AVL9: variants seen among roughly 807,000 people sequenced by gnomAD.
AVL9 encodes the protein AVL9 cell migration associated, also known as late secretory pathway protein AVL9 homolog.
A neutral mutation model predicts 79.2 loss-of-function variants in AVL9; 49 were observed. The ratio of observed to expected loss-of-function variants is 0.62; its 90% CI spans 0.49 to 0.79. The LOEUF (loss-of-function observed/expected upper bound fraction) is 0.79. Ranked by LOEUF, AVL9 falls within the 30% of genes least tolerant of loss-of-function variation. The pLI, the probability that AVL9 is intolerant of heterozygous loss-of-function variation, is 0.00. For synonymous variants in AVL9, 299 were observed against 280.6 expected, an observed-to-expected ratio of 1.07 and a Z score of -0.65; for missense variants, 682 against 776.8, an observed-to-expected ratio of 0.88 and a Z score of 1.45.
In AVL9 at chr7:32,559,179, T is replaced by C. The variant is rs1790221887; in HGVS notation, c.930T>C (p.Asn310=). Reference sequence around the variant, plus strand: ...ACAGCAGCAAAGGGCAGGAACCCAATGATACCAATCAATATTTGAAACCTC... The same window carrying C: ...ACAGCAGCAAAGGGCAGGAACCCAACGATACCAATCAATATTTGAAACCTC... ...VEDSSKGQEP[N]DTNQYLKPPS... is the part of the protein sequence containing the mutation. The change falls in exon 10 of 16, where the codon AAT becomes AAC. Residue 310 remains asparagine, a synonymous_variant. Coordinates refer to ENST00000318709, the MANE Select transcript of AVL9 (RefSeq NM_015060.3). The C allele has an allele frequency of 6.8e-6, 11 of 1,614,092 alleles. No individual in the cohort carries two copies. The highest frequency in any genetic ancestry group is 9.3e-6 in the Non-Finnish European group (11 of 1,180,052).
At position 32,573,376 on chromosome 7, in the gene AVL9, G is replaced by A; in HGVS notation, c.1528G>A (p.Ala510Thr). 1 of 1,613,658 alleles carries A rather than the reference G, an allele frequency of 6.2e-7. No individual in the cohort carries two copies. The highest frequency in any genetic ancestry group is 8.5e-7 in the Non-Finnish European group (1 of 1,179,994). The change falls in exon 12 of 16, where the codon GCG becomes ACG. Residue 510 changes from alanine to threonine, a missense_variant. By Grantham distance (58) the Ala-to-Thr change is moderately conservative (BLOSUM62 0). Transcript: ENST00000318709. ...GGDEWIRAQF[A>T]VYIHALLAAT... ...TGACGAATGGATCCGGGCCCAGTTT[G>A]CGGTCTACATTCATGCCCTGCTGGC...
intron 4 of AVL9, among the ~76,000 whole-genome samples, chr7:32,550,972 C>T (rs1450360983): frequency 6.6e-6 from 1 of 152,078 alleles, no homozygotes; most frequent in Non-Finnish European, 1.5e-5. Context: ...GTGCTTTTAC[C>T]TGTTATTTAA....
In AVL9 at chr7:32,552,447, T is replaced by C. The variant is rs1789875428; in HGVS notation, c.529+152T>C. The stretch of plus-strand genomic sequence containing the variant: ...GCTGTTTCTTCCTTAAATATCTTCT[T>C]AGCCAGTGTTTATACTGAGAAGAGT... On this transcript the variant is annotated intron_variant, in intron 6 of 15. Coordinates refer to ENST00000318709, the MANE Select transcript of AVL9 (RefSeq NM_015060.3). 5.3e-6 allele frequency: 3 copies of C among 563,866 alleles called. No homozygotes were observed. The South Asian group carries it at 6.7e-5, about 13-fold the overall frequency. The allele number at this position is 563,866 out of a possible 1,614,324, so 34.9% of individuals were successfully genotyped here. A position where few individuals can be genotyped will look rare whatever the true frequency, so the allele number is the denominator to read the frequency against.
At chr7:32,527,605 G>A (rs1427385143) in intron 1 of AVL9, among the ~76,000 whole-genome samples, 1 of 152,088 alleles carries the variant, frequency 6.6e-6, no homozygotes, top group Non-Finnish European at 1.5e-5. Flanking sequence ...GTCTGACCTA[G>A]AACAGTGAAT....
Position 32,564,080 on chromosome 7 carries a change from CA to C in AVL9, c.1215+4618del, listed in dbSNP as rs1253227841. On this transcript the variant is annotated intron_variant, in intron 10 of 15. Transcript: ENST00000318709. ...CTAATTTTTACTATTGTGAAGATATCAAGAGGGAAATTAACTGTAGAGGGAT... is the reference window on the plus strand; with the variant it reads ...CTAATTTTTACTATTGTGAAGATATCAGAGGGAAATTAACTGTAGAGGGAT... Among the ~76,000 whole-genome samples, 3 of 152,002 alleles carry C rather than the reference CA, an allele frequency of 2.0e-5. 1 individual carries two copies. The highest frequency in any genetic ancestry group is 6.6e-5 in the Admixed American group (1 of 15,258).
intron 1 of AVL9, chr7:32,535,702 A>G (rs1319825298): frequency 1.3e-5 from 2 of 152,218 alleles, no homozygotes; most frequent in Non-Finnish European, 2.9e-5. Context: ...TCACTATTTA[A>G]TAATAACCCT....
chr7:32,495,556 C>A lies in AVL9; in HGVS notation c.-154C>A. The A allele has an allele frequency of 2.3e-6, 1 of 429,008 alleles. No individual in the cohort carries two copies. The highest frequency in any genetic ancestry group is 4.1e-6 in the Non-Finnish European group (1 of 246,298). 26.6% of individuals were successfully genotyped at this position (429,008 alleles called of 1,614,324 possible). Reference sequence around the variant, plus strand: ...AGGGCGGCCGTGGCCCTGGGGGCGGCGGGAGCTGCTTTGCCTCCACCGATC... The same window carrying A: ...AGGGCGGCCGTGGCCCTGGGGGCGGAGGGAGCTGCTTTGCCTCCACCGATC... On this transcript the variant is annotated 5_prime_UTR_variant, in exon 1 of 16. Coordinates refer to ENST00000318709, the MANE Select transcript of AVL9 (RefSeq NM_015060.3).
At chr7:32,531,415 G>GTTCATT (rs138092029) in intron 1 of AVL9, among the ~76,000 whole-genome samples, 1 of 99,756 alleles carries the variant, frequency 1.0e-5, no homozygotes, top group Non-Finnish European at 2.2e-5. Context: ...ACATGTTAAT[G>GTTCATT]AACATGTATA....
intron 1 of AVL9, chr7:32,531,482 G>A (rs1185257205): frequency 5.6e-4 from 1 of 1,798 alleles, no homozygotes; most frequent in South Asian, 0.018. Context: ...GCGTCTTAAT[G>A]TTAGTGCCTC....
rs1267856895 is a variant in AVL9 at position 32,580,817 on chromosome 7, T to C, written c.1758T>C (p.Ser586=). The change falls in exon 15 of 16, where the codon AGT becomes AGC. Residue 586 remains serine (S), a synonymous_variant. Coordinates refer to ENST00000318709, the MANE Select transcript of AVL9 (RefSeq NM_015060.3). ...KLRFSHSVQN[S]ERGKKIGNVM... The stretch of plus-strand genomic sequence containing the variant: ...TTTTACCCAGTTCTGTTCAGAATAG[T>C]GAACGTGGCAAAAAAATTGGAAACG... 2 of 1,613,570 alleles carry C rather than the reference T, an allele frequency of 1.2e-6. No homozygotes were observed. Among genetic ancestry groups the C allele is most frequent in the East Asian group, 2.2e-5 (1 of 44,878 alleles).
chr7:32,548,944 T>G, intron 4 of AVL9, 26 bp downstream of exon 4: 1 of 1,483,534 alleles, frequency 6.7e-7, no homozygotes, highest in Non-Finnish European at 9.1e-7. Context: ...ACTTGTTCAT[T>G]ATGTTAAACC....
rs539684719 is a variant in AVL9, at chr7:32,560,282, AACTT to A, written c.1215+820_1215+823del. On this transcript the variant is annotated intron_variant, in intron 10 of 15. Transcript: ENST00000318709. ...TTTAAAAAAACAACAAAGTGAATAA[AACTT>A]AAATAATAATGTTAAAAGCACAATA... Among the ~76,000 whole-genome samples, 12 of 151,766 alleles carry A rather than the reference AACTT, an allele frequency of 7.9e-5. No individual in the cohort carries two copies. In the East Asian group the frequency reaches 1.5e-3, roughly 20 times the overall value.
At chr7:32,499,735 T>C (rs4316066) in intron 1 of AVL9, among the ~76,000 whole-genome samples, 110,380 of 151,994 alleles carry the variant, frequency 0.73, 40,253 homozygotes, top group South Asian at 0.86. Flanking sequence ...TCCTAATGCT[T>C]TCCCTCCCCT....
intron 6 of AVL9, 138 bp downstream of exon 6, chr7:32,552,433 CT>C (rs1477600815): frequency 1.8e-6 from 1 of 567,006 alleles, no homozygotes; most frequent in Non-Finnish European, 3.2e-6. Context: ...CTGTTTCTTC[CT>C]TAAATATCTT....
intron 1 of AVL9, among the ~76,000 whole-genome samples, chr7:32,528,938 G>GA (rs1005647976): frequency 1.3e-5 from 2 of 152,066 alleles, no homozygotes; most frequent in African/African-American, 4.8e-5. Context: ...TGAACCCAGG[G>GA]AGCAGAGCCT....
intron 3 of AVL9, among the ~76,000 whole-genome samples, chr7:32,547,078 A>G (rs1190534644): frequency 6.6e-6 from 1 of 152,142 alleles, no homozygotes; most frequent in Non-Finnish European, 1.5e-5. Flanking sequence ...TTTTTATGGG[A>G]GAGGGATATG....
At chr7:32,504,066 G>C (rs1787305061) in intron 1 of AVL9, among the ~76,000 whole-genome samples, 1 of 152,186 alleles carries the variant, frequency 6.6e-6, no homozygotes. Context: ...CCTTTGGTGG[G>C]TGTGATGCAC....
chr7:32,563,531 A>G (rs544940607), intron 10 of AVL9, among the ~76,000 whole-genome samples: 97 of 149,270 alleles, frequency 6.5e-4, no homozygotes, highest in Non-Finnish European at 1.2e-3. Flanking sequence ...TCCATGAGCC[A>G]GACACCATAC....
In AVL9 at chr7:32,523,954, C is replaced by T. The variant is rs185777308; in HGVS notation, c.94-19187C>T. On this transcript the variant is annotated intron_variant, in intron 1 of 15. Transcript: ENST00000318709. The stretch of plus-strand genomic sequence containing the variant: ...TTCACTGTGTTAGCCAGGATGGTCT[C>T]GATCTCCTGACCTCGTGATCTGCCC... Among the ~76,000 whole-genome samples, 163 of 151,682 alleles carry T rather than the reference C, an allele frequency of 1.1e-3. 1 individual carries two copies. The South Asian group carries it at 0.015, about 14-fold the overall frequency.
Sources: allele counts gnomAD v4.1 joint callset (sites outside exome capture counted in the v4.1 genomes callset), GRCh38; gene constraint gnomAD v4.1.1; transcripts MANE v1.5; gene names NCBI Gene and HGNC (gene_info 2026-07-23, HGNC 2026-07-21).